DST: variants seen among roughly 807,000 people sequenced by gnomAD.
DST encodes dystonin.
In DST, 253 loss-of-function variants were observed where a neutral mutation model predicts 875.2. The observed-to-expected ratio is 0.29, with a 90% CI of 0.26 to 0.32. DST has a LOEUF of 0.32. Among genes scored for constraint, DST ranks in the 10% least tolerant of loss-of-function variants. DST has a pLI of 1.00. For synonymous variants in DST, 3,124 were observed against 3,197.1 expected, an observed-to-expected ratio of 0.98 and a Z score of 0.77; for missense variants, 8,287 against 9,111.6, an observed-to-expected ratio of 0.91 and a Z score of 3.68.
At chr6:56,729,058 A>T (rs538364297) in intron 5 of DST, among the ~76,000 whole-genome samples, 3 of 152,210 alleles carry the variant, frequency 2.0e-5, no homozygotes, top group African/African-American at 7.2e-5. Context: ...TAAAACATTA[A>T]CAAGAGCTCA....
At chr6:56,641,855 C>T in intron 17 of DST, 92 bp downstream of exon 17, 1 of 1,002,060 alleles carries the variant, frequency 1.0e-6, no homozygotes, top group East Asian at 2.7e-5. Flanking sequence ...AAATATATTT[C>T]ATAAAATTTT....
chr6:56,788,965 T>C (rs1186307682), intron 4 of DST, among the ~76,000 whole-genome samples: 1 of 152,236 alleles, frequency 6.6e-6, no homozygotes, highest in African/African-American at 2.4e-5. Context: ...AGAAAGGTTG[T>C]ATGATTTTTA....
chr6:56,696,646 T>C (rs894007055), intron 9 of DST, among the ~76,000 whole-genome samples: 1 of 152,162 alleles, frequency 6.6e-6, no homozygotes, highest in Non-Finnish European at 1.5e-5. Context: ...TTTTCTAGTC[T>C]CTGCTCCCAG....
intron 4 of DST, among the ~76,000 whole-genome samples, chr6:56,787,979 G>A (rs62411372): frequency 0.12 from 18,499 of 151,058 alleles, 1,569 homozygotes; most frequent in Non-Finnish European, 0.19. Context: ...AATTAGCCAG[G>A]CATGGTGGCG....
At chr6:56,620,195 T>C in intron 36 of DST, 1 of 1,613,748 alleles carries the variant, frequency 6.2e-7, no homozygotes, top group Non-Finnish European at 8.5e-7. Flanking sequence ...ATTGTCTCTC[T>C]TTCTTCTTAA....
chr6:56,697,222 G>A (rs897675129), intron 9 of DST, among the ~76,000 whole-genome samples: 1 of 152,054 alleles, frequency 6.6e-6, no homozygotes, highest in Admixed American at 6.5e-5. Flanking sequence ...TCTATGCCCT[G>A]TGTCCAAGTC....
intron 61 of DST, among the ~76,000 whole-genome samples, chr6:56,545,011 A>G (rs1488524092): frequency 9.9e-5 from 15 of 152,108 alleles, no homozygotes; most frequent in Admixed American, 9.2e-4. Flanking sequence ...ATCTAGATCC[A>G]TCACATTTTC....
At chr6:56,624,456 T>C in intron 36 of DST, 74 bp downstream of exon 36, 2 of 1,008,710 alleles carry the variant, frequency 2.0e-6, no homozygotes, top group Non-Finnish European at 3.2e-6. Context: ...TGTTTTGCTT[T>C]CCCAAACTAC....
At chr6:56,491,867 G>A (rs1251780633) in intron 85 of DST, among the ~76,000 whole-genome samples, 1 of 152,110 alleles carries the variant, frequency 6.6e-6, no homozygotes, top group Non-Finnish European at 1.5e-5. Flanking sequence ...AATGAAGTAT[G>A]ATGTCTCACT....
At chr6:56,692,628 A>G in intron 9 of DST, 1 of 1,289,602 alleles carries the variant, frequency 7.8e-7, no homozygotes, top group Non-Finnish European at 1.0e-6. Context: ...AAAAAACATC[A>G]GTTTTTTCCT....
At chr6:56,903,888 T>C (rs763265779) in intron 2 of DST, among the ~76,000 whole-genome samples, 1 of 152,246 alleles carries the variant, frequency 6.6e-6, no homozygotes, top group Non-Finnish European at 1.5e-5. Flanking sequence ...TGTACTATTT[T>C]AAAATAACTA....
intron 61 of DST, 110 bp from the exon 62 acceptor site, chr6:56,537,050 A>T: frequency 1.1e-6 from 1 of 924,832 alleles, no homozygotes; most frequent in Non-Finnish European, 1.6e-6. Flanking sequence ...ATTATTACAG[A>T]GGTAAAGATA....
At position 56,483,075 on chromosome 6, in the gene DST, G is replaced by A. The variant is rs186612755; in HGVS notation, c.21208-198C>T. On this transcript the variant is annotated intron_variant, in intron 88 of 103. Coordinates refer to ENST00000680361, the MANE Select transcript of DST (RefSeq NM_001374736.1). ...TTTGAGCACCATCAAGAAGAGTCTT[G>A]TATAAATTTGTTCAGTCCTGTCACA... is the stretch of plus-strand genomic sequence containing the variant. Among the ~76,000 whole-genome samples, 31 of 152,234 alleles carry A rather than the reference G, an allele frequency of 2.0e-4. No individual in the cohort carries two copies. The East Asian group carries it at 5.2e-3, about 26-fold the overall frequency.
At chr6:56,490,801 C>T (rs1238218917) in intron 85 of DST, among the ~76,000 whole-genome samples, 4 of 152,062 alleles carry the variant, frequency 2.6e-5, no homozygotes, top group Non-Finnish European at 2.9e-5. Flanking sequence ...GATACAAACG[C>T]ACAAGTTCTG....
At position 56,604,083 on chromosome 6, in the gene DST, T is replaced by A; in HGVS notation, c.10545A>T (p.Ala3515=). ...CTTCCATCATCTCAGATGTAGAACA[T>A]GCTTTTTGATTAAAGTCTCCAACAT... The part of the protein sequence containing the change: ...IEHVGDFNQK[A]CSTSEMMEEK... Residue 3515 remains alanine (A), a synonymous_variant, in exon 40 of 104, where the codon GCA becomes GCT. Coordinates refer to ENST00000680361, the MANE Select transcript of DST (RefSeq NM_001374736.1). The A allele has an allele frequency of 1.3e-6, 2 of 1,580,462 alleles. No homozygotes were observed. Among genetic ancestry groups the A allele is most frequent in the South Asian group, 1.1e-5 (1 of 87,288 alleles).
chr6:56,684,948 C>T (rs2099173860), intron 9 of DST, among the ~76,000 whole-genome samples: 1 of 152,144 alleles, frequency 6.6e-6, no homozygotes, highest in Non-Finnish European at 1.5e-5. Context: ...AAAAATTTTC[C>T]TCACGAGACC....
In DST at chr6:56,605,947, T is replaced by G; in HGVS notation, c.8681A>C (p.Asn2894Thr). 1 of 1,612,804 alleles carries G rather than the reference T, an allele frequency of 6.2e-7. No individual in the cohort carries two copies. Among genetic ancestry groups the G allele is most frequent in the Non-Finnish European group, 8.5e-7 (1 of 1,179,452 alleles). Reference protein sequence around the residue: ...SENNLVTEKSNLPEYTTEIAG... With the variant: ...SENNLVTEKSTLPEYTTEIAG... ...AATCTCAGTTGTATATTCTGGAAGG[T>G]TGCTTTTTTCAGTAACTAAGTTATT... is the stretch of plus-strand genomic sequence containing the variant. The change falls in exon 40 of 104, where the codon AAC becomes ACC. Residue 2894 changes from asparagine (N) to threonine (T), a missense_variant. This residue lies in a region of DST where 3,138 missense variants were observed against 3,116.6 expected (regional missense o/e 1.01). Transcript: ENST00000680361.
intron 2 of DST, among the ~76,000 whole-genome samples, chr6:56,939,419 T>C (rs943582942): frequency 1.3e-5 from 2 of 152,080 alleles, no homozygotes; most frequent in African/African-American, 4.8e-5. Context: ...TTCAAGATCT[T>C]GGTATGAGAG....
chr6:56,843,244 A>G, intron 4 of DST: 1 of 1,310,792 alleles, frequency 7.6e-7, no homozygotes, highest in Non-Finnish European at 9.9e-7. Flanking sequence ...GGGAACTGGA[A>G]AAGAGGAAGG....
Sources: allele counts gnomAD v4.1 joint callset (sites outside exome capture counted in the v4.1 genomes callset), GRCh38; gene constraint gnomAD v4.1.1; regional missense constraint gnomAD v4.1.1; transcripts MANE v1.5; gene names NCBI Gene and HGNC (gene_info 2026-07-23, HGNC 2026-07-21).